Variants in PRKD1 observed in about 807,000 individuals in gnomAD.
PRKD1 encodes the protein serine/threonine-protein kinase D1.
A neutral mutation model predicts 95.9 loss-of-function variants in PRKD1; 63 were observed. The ratio of observed to expected loss-of-function variants is 0.66; its 90% CI spans 0.54 to 0.81. The LOEUF (loss-of-function observed/expected upper bound fraction) is 0.81, where lower values mean the gene tolerates loss of function less well. Among genes scored for constraint, PRKD1 ranks in the 30% least tolerant of loss-of-function variants. PRKD1 has a pLI of 0.00. For synonymous variants in PRKD1, 425 were observed against 423.1 expected, an observed-to-expected ratio of 1.00 and a Z score of -0.05; for missense variants, 1,048 against 1,165.3, an observed-to-expected ratio of 0.90 and a Z score of 1.47.
chr14:29,771,786 T>C (rs1888519868), intron 1 of PRKD1, among the ~76,000 whole-genome samples: 2 of 152,236 alleles, frequency 1.3e-5, no homozygotes, highest in African/African-American at 2.4e-5. Context: ...CTTGAAAGCC[T>C]AACCCTCACC....
chr14:29,774,750 C>T (rs1307387173), intron 1 of PRKD1, among the ~76,000 whole-genome samples: 2 of 152,100 alleles, frequency 1.3e-5, no homozygotes, highest in Admixed American at 6.5e-5. Context: ...AAATGAAGTA[C>T]CTTATTCATG....
intron 1 of PRKD1, among the ~76,000 whole-genome samples, chr14:29,791,383 A>G (rs895952540): frequency 2.6e-5 from 4 of 152,318 alleles, no homozygotes; most frequent in Non-Finnish European, 5.9e-5. Flanking sequence ...ACTTTGTCAT[A>G]TCAATGTAAC....
intron 13 of PRKD1, among the ~76,000 whole-genome samples, chr14:29,603,867 T>C (rs1594354360): frequency 6.6e-6 from 1 of 152,238 alleles, no homozygotes; most frequent in East Asian, 1.9e-4. Context: ...ATTTAAGCAA[T>C]TTAATTTTCA....
intron 2 of PRKD1, among the ~76,000 whole-genome samples, chr14:29,668,600 G>T (rs950286110): frequency 5.3e-5 from 8 of 152,094 alleles, no homozygotes; most frequent in African/African-American, 1.9e-4. Flanking sequence ...TTCTTTTATG[G>T]TTCATTATAA....
intron 1 of PRKD1, among the ~76,000 whole-genome samples, chr14:29,872,388 T>C (rs1167676937): frequency 6.6e-6 from 1 of 152,056 alleles, no homozygotes; most frequent in Non-Finnish European, 1.5e-5. Context: ...CCACACCAGG[T>C]GGGGTGGCTC....
At chr14:29,838,572 A>T (rs1028878517) in intron 1 of PRKD1, among the ~76,000 whole-genome samples, 4 of 152,180 alleles carry the variant, frequency 2.6e-5, no homozygotes, top group Non-Finnish European at 5.9e-5. Context: ...TCTGTATGAT[A>T]CCCATATTTG....
At chr14:29,662,450 A>G (rs981128648) in intron 4 of PRKD1, among the ~76,000 whole-genome samples, 1 of 152,134 alleles carries the variant, frequency 6.6e-6, no homozygotes, top group African/African-American at 2.4e-5. Flanking sequence ...TCATGCATAC[A>G]TATTCTGAAT....
At chr14:29,578,036 CTG>C (rs146693648) in intron 17 of PRKD1, among the ~76,000 whole-genome samples, 4 of 150,198 alleles carry the variant, frequency 2.7e-5, no homozygotes, top group Non-Finnish European at 3.0e-5. Flanking sequence ...TGGTTTTGGG[CTG>C]TGTGTGTGTG....
At chr14:29,788,960 T>C (rs553867992) in intron 1 of PRKD1, among the ~76,000 whole-genome samples, 1 of 152,228 alleles carries the variant, frequency 6.6e-6, no homozygotes, top group East Asian at 1.9e-4. Flanking sequence ...GATCATGGCT[T>C]ACTGCAGCCT....
intron 1 of PRKD1, among the ~76,000 whole-genome samples, chr14:29,792,726 T>C (rs1459775456): frequency 1.3e-5 from 2 of 152,112 alleles, no homozygotes; most frequent in African/African-American, 2.4e-5. Context: ...CAAGTTTCAT[T>C]GTCTATATGG....
At chr14:29,884,751 G>A (rs1449379603) in intron 1 of PRKD1, among the ~76,000 whole-genome samples, 2 of 152,198 alleles carry the variant, frequency 1.3e-5, no homozygotes, top group Non-Finnish European at 2.9e-5. Context: ...AGGAGGCTGA[G>A]GATGCAGAGT....
At chr14:29,763,841 C>T (rs1888137853) in intron 1 of PRKD1, among the ~76,000 whole-genome samples, 1 of 152,154 alleles carries the variant, frequency 6.6e-6, no homozygotes, top group Admixed American at 6.5e-5. Flanking sequence ...GAACTAGCCG[C>T]AGCAGCTCCT....
intron 13 of PRKD1, among the ~76,000 whole-genome samples, chr14:29,614,183 G>T (rs1366796629): frequency 6.6e-6 from 1 of 152,120 alleles, no homozygotes; most frequent in Non-Finnish European, 1.5e-5. Context: ...TTTCTTCCAT[G>T]GGGAGAACAA....
chr14:29,783,988 T>C (rs2139175615), intron 1 of PRKD1, among the ~76,000 whole-genome samples: 1 of 152,054 alleles, frequency 6.6e-6, no homozygotes, highest in East Asian at 1.9e-4. Context: ...TTTTAGTTTG[T>C]CTACTTTTGT....
intron 1 of PRKD1, among the ~76,000 whole-genome samples, chr14:29,833,012 C>T (rs940301699): frequency 3.3e-5 from 5 of 151,564 alleles, no homozygotes; most frequent in African/African-American, 4.8e-5. Context: ...AAGCTCCCTG[C>T]GAAGTTGGAA....
intron 2 of PRKD1, among the ~76,000 whole-genome samples, chr14:29,677,765 A>G (rs1428081011): frequency 3.3e-5 from 5 of 152,150 alleles, no homozygotes; most frequent in Non-Finnish European, 7.3e-5. Context: ...GGATTTCACC[A>G]TGTTGGCCAG....
At chr14:29,665,903 A>T (rs1447807174) in intron 3 of PRKD1, among the ~76,000 whole-genome samples, 174 bp downstream of exon 3, 1 of 152,102 alleles carries the variant, frequency 6.6e-6, no homozygotes, top group African/African-American at 2.4e-5. Context: ...GAAAATGTAT[A>T]TATACACACA....
At position 29,927,374 on chromosome 14, in the gene PRKD1, C is replaced by T. The variant is rs762255097; in HGVS notation, c.139G>A (p.Gly47Arg). ...ATCTGCAGATGGAACGAGATGCCCC[C>T]GACCGGGGCCGCGACAGGAGCCAAG... The part of the protein sequence containing the change: ...PFLAPVAAPV[G>R]GISFHLQIGL... Residue 47 changes from glycine (G) to arginine (R), a missense_variant, in exon 1 of 18, where the codon GGG becomes AGG. This residue lies in a region of PRKD1 where 275 missense variants were observed against 248.6 expected (regional missense o/e 1.11). Coordinates refer to ENST00000331968, the MANE Select transcript of PRKD1 (RefSeq NM_002742.3). 1 of 1,557,712 alleles carries T rather than the reference C, an allele frequency of 6.4e-7. No homozygotes were observed. Among genetic ancestry groups the T allele is most frequent in the South Asian group, 1.2e-5 (1 of 85,094 alleles).
At chr14:29,740,098 G>T (rs557139009) in intron 1 of PRKD1, among the ~76,000 whole-genome samples, 1 of 152,226 alleles carries the variant, frequency 6.6e-6, no homozygotes, top group Admixed American at 6.5e-5. Flanking sequence ...TTACTAGTTA[G>T]TGATAGCTAT....
Sources: gnomAD v4.1 joint callset for allele counts (sites outside exome capture counted in the v4.1 genomes callset) on GRCh38, gnomAD v4.1.1 for gene constraint, gnomAD v4.1.1 regional missense constraint, MANE v1.5 for transcripts, NCBI Gene and HGNC (gene_info 2026-07-23, HGNC 2026-07-21) for gene names.